RAB38: variants seen among roughly 807,000 people sequenced by gnomAD.
The protein encoded by RAB38 is ras-related protein Rab-38.
A neutral mutation model predicts 18.4 loss-of-function variants in RAB38; 15 were observed. The observed-to-expected ratio is 0.82, with a 90% CI of 0.55 to 1.26. The LOEUF is 1.26. RAB38 is among the 50% of genes most tolerant of loss of function. The pLI is 0.00. For synonymous variants in RAB38, 101 were observed against 104.4 expected (o/e 0.97, Z 0.20); for missense variants, 294 against 267.4 (o/e 1.10, Z -0.69).
chr11:87,878,310 TATCTATCATCTATCA>T, the RAB38 span, among the ~76,000 whole-genome samples: 8 of 130,534 alleles, frequency 6.1e-5, no homozygotes, highest in South Asian at 2.3e-4. Context: ...ACCTATCATC[TATCTATCATCTATCA>T]ATCTATCATC....
At chr11:88,069,210 G>A in the RAB38 span, among the ~76,000 whole-genome samples, 4 of 152,210 alleles carry the variant, frequency 2.6e-5, no homozygotes, top group African/African-American at 9.7e-5. Flanking sequence ...AGGTGCGGAG[G>A]GGGTGCCGGG....
the RAB38 span, among the ~76,000 whole-genome samples, chr11:87,954,354 C>G: frequency 3.3e-5 from 5 of 152,126 alleles, no homozygotes; most frequent in Admixed American, 1.3e-4. Context: ...CTCTCTGTCT[C>G]TCCCTTGAGT....
chr11:87,807,968 C>G, the RAB38 span, among the ~76,000 whole-genome samples: 3 of 152,166 alleles, frequency 2.0e-5, no homozygotes, highest in African/African-American at 7.2e-5. Context: ...TCTGGCATGT[C>G]CTATTGGCAG....
At chr11:88,124,400 C>T (rs894419110) in intron 2 of RAB38, among the ~76,000 whole-genome samples, 1 of 152,138 alleles carries the variant, frequency 6.6e-6, no homozygotes, top group African/African-American at 2.4e-5. Context: ...TATCCAGAAT[C>T]TACAAAGAAC....
chr11:88,004,621 CTAGT>C, the RAB38 span, among the ~76,000 whole-genome samples: 5 of 151,062 alleles, frequency 3.3e-5, no homozygotes, highest in Non-Finnish European at 5.9e-5. Flanking sequence ...GTTGAAGTTC[CTAGT>C]TAGTCATTGC....
the RAB38 span, among the ~76,000 whole-genome samples, chr11:88,045,121 C>G: frequency 6.6e-6 from 1 of 152,162 alleles, no homozygotes; most frequent in African/African-American, 2.4e-5. Context: ...CGTTTGGCAG[C>G]AACCCTGAGA....
At chr11:87,850,999 A>C in the RAB38 span, among the ~76,000 whole-genome samples, 1 of 152,202 alleles carries the variant, frequency 6.6e-6, no homozygotes, top group Non-Finnish European at 1.5e-5. Context: ...CCTGCATTTC[A>C]TGGTTATGCC....
the RAB38 span, among the ~76,000 whole-genome samples, chr11:88,027,667 G>C: frequency 7.6e-6 from 1 of 131,568 alleles, no homozygotes; most frequent in Non-Finnish European, 1.6e-5. Flanking sequence ...GCGAGGCTGG[G>C]GGAGGGGCGC....
chr11:88,010,118 C>T, the RAB38 span, among the ~76,000 whole-genome samples: 1 of 152,168 alleles, frequency 6.6e-6, no homozygotes, highest in South Asian at 2.1e-4. Context: ...CTTGTGACAT[C>T]ATGTTGCCAT....
the RAB38 span, among the ~76,000 whole-genome samples, chr11:87,941,245 A>ATATATTTT: frequency 7.4e-6 from 1 of 134,508 alleles, no homozygotes; most frequent in African/African-American, 2.8e-5. Flanking sequence ...ATATATATAT[A>ATATATTTT]TGTAACTTCT....
the RAB38 span, among the ~76,000 whole-genome samples, chr11:87,976,552 A>G: frequency 7.9e-6 from 1 of 126,612 alleles, no homozygotes; most frequent in Non-Finnish European, 1.6e-5. Context: ...TATTTTATAT[A>G]TACTTATATA....
At chr11:88,085,636 T>TAAA in the RAB38 span, among the ~76,000 whole-genome samples, 1 of 151,882 alleles carries the variant, frequency 6.6e-6, no homozygotes, top group Non-Finnish European at 1.5e-5. Context: ...GGATTACTTG[T>TAAA]TTAAAAAAAG....
At chr11:87,878,204 C>CATAT in the RAB38 span, among the ~76,000 whole-genome samples, 42 of 98,254 alleles carry the variant, frequency 4.3e-4, 2 homozygotes, top group African/African-American at 8.1e-4. Context: ...ATGTGCTAAA[C>CATAT]ATATATATAT....
At chr11:87,877,565 C>T in the RAB38 span, among the ~76,000 whole-genome samples, 1 of 151,456 alleles carries the variant, frequency 6.6e-6, no homozygotes, top group African/African-American at 2.4e-5. Flanking sequence ...CCTTTGTGTC[C>T]TGTATCCAAT....
the RAB38 span, among the ~76,000 whole-genome samples, chr11:87,824,580 T>A: frequency 6.6e-6 from 1 of 152,074 alleles, no homozygotes; most frequent in African/African-American, 2.4e-5. Context: ...AAAAATCATA[T>A]CAGTATCCAA....
At chr11:87,920,995 G>A in the RAB38 span, among the ~76,000 whole-genome samples, 1 of 152,008 alleles carries the variant, frequency 6.6e-6, no homozygotes, top group Non-Finnish European at 1.5e-5. Flanking sequence ...CAAGGGGCTG[G>A]CATCTGGCAA....
At chr11:88,129,038 A>G (rs1016858265) in intron 2 of RAB38, among the ~76,000 whole-genome samples, 3 of 152,210 alleles carry the variant, frequency 2.0e-5, no homozygotes, top group African/African-American at 7.2e-5. Flanking sequence ...ATCTATACCA[A>G]TGTAGATGTA....
At chr11:87,807,218 G>A in the RAB38 span, among the ~76,000 whole-genome samples, 1 of 152,164 alleles carries the variant, frequency 6.6e-6, no homozygotes, top group African/African-American at 2.4e-5. Flanking sequence ...CCAGTCTCTG[G>A]TGCCGAAAAG....
the RAB38 span, among the ~76,000 whole-genome samples, chr11:88,039,235 G>A: frequency 2.0e-5 from 3 of 152,104 alleles, 1 homozygote; most frequent in Admixed American, 2.0e-4. Flanking sequence ...AATGTTAGTG[G>A]CAATTTAGAG....
Sources: allele counts gnomAD v4.1 joint callset (sites outside exome capture counted in the v4.1 genomes callset), GRCh38; gene constraint gnomAD v4.1.1; transcripts MANE v1.5; gene names NCBI Gene and HGNC (gene_info 2026-07-23, HGNC 2026-07-21).